Variants in SNX8 observed in about 807,000 individuals in gnomAD.
The protein encoded by SNX8 is sorting nexin 8, also known as sorting nexin-8.
SNX8 carries 25 observed loss-of-function variants against 51.6 expected under a neutral mutation model. That is an observed-to-expected ratio of 0.48 (90% confidence interval 0.35 to 0.68). SNX8 has a LOEUF of 0.68. Among genes scored for constraint, SNX8 ranks in the 30% least tolerant of loss-of-function variants. The probability of loss-of-function intolerance (pLI) is 0.00; values close to 1 mark genes in which losing one functional copy is unlikely to be tolerated. For synonymous variants in SNX8, 324 were observed against 277.0 expected (o/e 1.17, Z -1.68); for missense variants, 695 against 624.0 (o/e 1.11, Z -1.21).
At chr7:2,257,830 C>A in intron 7 of SNX8, 27 bp from the exon 8 acceptor site, 1 of 1,609,418 alleles carries the variant, frequency 6.2e-7, no homozygotes, top group Non-Finnish European at 8.5e-7. Context: ...AGCTCACCCA[C>A]GCGGACGCAC....
rs767822970 is a variant in SNX8 at position 2,256,973 on chromosome 7, G to A, written c.1185C>T (p.Tyr395=). 43 of 1,613,386 alleles carry A rather than the reference G, an allele frequency of 2.7e-5. 1 individual carries two copies. In the South Asian group the frequency reaches 4.3e-4, roughly 16 times the overall value. Residue 395 remains tyrosine, a synonymous_variant, in exon 10 of 11, where the codon TAC becomes TAT. Coordinates refer to ENST00000222990, the MANE Select transcript of SNX8 (RefSeq NM_013321.4). ...TGAGCTGCGTCTCCTGGTGCAGGCA[G>A]TACAGGGAGAAGTAGTTCCGCAGCT... is the stretch of plus-strand genomic sequence containing the variant. ...TMELRNYFSL[Y]CLHQETQLIH...
intron 5 of SNX8, among the ~76,000 whole-genome samples, chr7:2,265,813 A>C (rs2041336269): frequency 6.6e-6 from 1 of 152,138 alleles, no homozygotes; most frequent in African/African-American, 2.4e-5. Context: ...AGAGAGTAAA[A>C]TGAAGGTAAA....
At chr7:2,352,830 C>T (rs1200536522) in intron 1 of SNX8, among the ~76,000 whole-genome samples, 3 of 151,144 alleles carry the variant, frequency 2.0e-5, no homozygotes, top group South Asian at 2.1e-4. Context: ...AGCAACACTC[C>T]GTCTAAATAA....
At chr7:2,352,696 C>T (rs917205659) in intron 1 of SNX8, among the ~76,000 whole-genome samples, 8 of 151,990 alleles carry the variant, frequency 5.3e-5, no homozygotes, top group Non-Finnish European at 1.0e-4. Context: ...ATCAGCCAGG[C>T]GTGGTGGCGG....
In SNX8 at chr7:2,256,909, C is replaced by T; in HGVS notation, c.1249G>A (p.Ala417Thr). Residue 417 changes from alanine to threonine, a missense_variant, in exon 10 of 11, where the codon GCC becomes ACC. Physicochemically the swap from Ala to Thr is moderately conservative, Grantham distance 58. Transcript: ENST00000222990. The part of the protein sequence containing the change: ...YLPLTSHILR[A>T]FVNSQIQGHK... Reference sequence around the variant, plus strand: ...CCTTGGATCTGAGAGTTGACGAAGGCGCGGAGGATGTGGGAGGTGAGGGGC... The same window carrying T: ...CCTTGGATCTGAGAGTTGACGAAGGTGCGGAGGATGTGGGAGGTGAGGGGC... The T allele has an allele frequency of 1.2e-6, 2 of 1,613,460 alleles. No homozygotes were observed. The highest frequency in any genetic ancestry group is 1.1e-5 in the South Asian group (1 of 91,038).
intron 10 of SNX8, among the ~76,000 whole-genome samples, chr7:2,256,384 T>C (rs1795178520): frequency 6.6e-6 from 1 of 152,234 alleles, no homozygotes; most frequent in Non-Finnish European, 1.5e-5. Flanking sequence ...TGCTCGCCTG[T>C]AATCCCAGCG....
chr7:2,353,152 G>A (rs763289103), intron 1 of SNX8, among the ~76,000 whole-genome samples: 6 of 152,038 alleles, frequency 3.9e-5, no homozygotes, highest in Non-Finnish European at 7.4e-5. Flanking sequence ...AGCTGGGCAC[G>A]GTGGCACATA....
intron 1 of SNX8, among the ~76,000 whole-genome samples, chr7:2,329,135 G>C (rs988440412): frequency 2.0e-5 from 3 of 149,676 alleles, no homozygotes; most frequent in Non-Finnish European, 3.0e-5. Flanking sequence ...GCCAGGTGTG[G>C]TGGCAGGCAC....
intron 1 of SNX8, among the ~76,000 whole-genome samples, chr7:2,289,748 G>A (rs1470036795): frequency 6.6e-6 from 1 of 152,102 alleles, no homozygotes; most frequent in East Asian, 1.9e-4. Context: ...ACGTAGTACT[G>A]TTCACGTGGG....
At chr7:2,329,405 G>A (rs755720734) in intron 1 of SNX8, among the ~76,000 whole-genome samples, 4 of 152,154 alleles carry the variant, frequency 2.6e-5, no homozygotes, top group Admixed American at 6.5e-5. Flanking sequence ...CCCTATTGCC[G>A]GCCTAGTCGG....
rs752909431 is a variant in SNX8 at position 2,269,629 on chromosome 7, T to C, written c.551A>G (p.Asn184Ser). 3.1e-6 allele frequency: 5 copies of C among 1,597,722 alleles called. No individual in the cohort carries two copies. Among genetic ancestry groups the C allele is most frequent in the Admixed American group, 1.7e-5 (1 of 58,206 alleles). Reference sequence around the variant, plus strand: ...GCACTGTGCTGACTCCTTTAACTTGTTCTGCACATCCTGCAAAAGGAAAAC... The same window carrying C: ...GCACTGTGCTGACTCCTTTAACTTGCTCTGCACATCCTGCAAAAGGAAAAC... The part of the protein sequence containing the change: ...FLSFSGSDVQ[N>S]KLKESAQCVG... Residue 184 changes from asparagine (N) to serine (S), a missense_variant, in exon 5 of 11, where the codon AAC becomes AGC. Physicochemically the swap from Asn to Ser is conservative, Grantham distance 46 (BLOSUM62 1). Transcript: ENST00000222990.
intron 6 of SNX8, 77 bp downstream of exon 6, chr7:2,264,221 T>A: frequency 1.4e-6 from 2 of 1,442,584 alleles, no homozygotes; most frequent in Non-Finnish European, 1.9e-6. Context: ...GTAAACGCAC[T>A]TTCCGCCCAA....
chr7:2,281,225 G>A lies in SNX8; in HGVS notation c.95-2920C>T, dbSNP rs149991321. ...GGATCACTTGAGCCCAGGAGTTAAA[G>A]ACCAGCCTGGGCAACATAATAAGAT... On this transcript the variant is annotated intron_variant, in intron 1 of 10. Coordinates refer to ENST00000222990, the MANE Select transcript of SNX8 (RefSeq NM_013321.4). Among the ~76,000 whole-genome samples the A allele has an allele frequency of 7.3e-3, 1,108 of 152,194 alleles. 13 individuals are homozygous for A. Among genetic ancestry groups the A allele is most frequent in the South Asian group, 0.038 (182 of 4,816 alleles).
chr7:2,279,675 C>T (rs1025450101), intron 1 of SNX8, among the ~76,000 whole-genome samples: 1 of 151,356 alleles, frequency 6.6e-6, no homozygotes, highest in African/African-American at 2.4e-5. Context: ...TCACCTGAGT[C>T]CGGGAAGGCG....
At chr7:2,298,886 T>C (rs1342620812) in intron 1 of SNX8, among the ~76,000 whole-genome samples, 1 of 151,804 alleles carries the variant, frequency 6.6e-6, no homozygotes, top group Non-Finnish European at 1.5e-5. Flanking sequence ...AGAGACAGGG[T>C]TTCGCCATGA....
At chr7:2,309,095 C>CT (rs1562451726) in intron 1 of SNX8, among the ~76,000 whole-genome samples, 3 of 151,268 alleles carry the variant, frequency 2.0e-5, no homozygotes, top group South Asian at 2.1e-4. Context: ...AGACACAAAT[C>CT]TTTTTTTTAA....
chr7:2,346,375 G>A (rs895323173), intron 1 of SNX8, among the ~76,000 whole-genome samples: 2 of 151,850 alleles, frequency 1.3e-5, no homozygotes, highest in Non-Finnish European at 1.5e-5. Flanking sequence ...GAACCCAGGA[G>A]GTCAAGGCTG....
At position 2,255,186 on chromosome 7, in the gene SNX8, G is replaced by A; in HGVS notation, c.1285-17C>T. The A allele has an allele frequency of 6.7e-7, 1 of 1,489,836 alleles. No homozygotes were observed. Among genetic ancestry groups the A allele is most frequent in the Non-Finnish European group, 9.1e-7 (1 of 1,100,654 alleles). 92.3% of individuals were successfully genotyped at this position (1,489,836 alleles called of 1,614,324 possible). On this transcript the variant is annotated splice_polypyrimidine_tract_variant and intron_variant, in intron 10 of 10. Coordinates refer to ENST00000222990, the MANE Select transcript of SNX8 (RefSeq NM_013321.4). ...CTTGCTCATCTGAAAGGGAAGCGAA[G>A]AGAACAAGATCAGCAGGCGGGGCCG... is the stretch of plus-strand genomic sequence containing the variant.
At chr7:2,323,888 C>T (rs578135138) in intron 1 of SNX8, among the ~76,000 whole-genome samples, 7 of 152,148 alleles carry the variant, frequency 4.6e-5, no homozygotes, top group African/African-American at 1.7e-4. Flanking sequence ...TCACTGCAAC[C>T]TCAGGTGGAT....
Sources: allele counts gnomAD v4.1 joint callset (sites outside exome capture counted in the v4.1 genomes callset), GRCh38; gene constraint gnomAD v4.1.1; transcripts MANE v1.5; gene names NCBI Gene and HGNC (gene_info 2026-07-23, HGNC 2026-07-21).